Variants in TNKS2 observed in about 807,000 individuals in gnomAD.
The protein encoded by TNKS2 is poly [ADP-ribose] polymerase tankyrase-2.
TNKS2 carries 72 observed loss-of-function variants against 137.6 expected under a neutral mutation model. The observed-to-expected ratio is 0.52, with a 90% CI of 0.43 to 0.64. TNKS2 has a LOEUF of 0.64. TNKS2 is among the 30% of genes least tolerant of loss of function. The pLI, the probability that TNKS2 is intolerant of heterozygous loss-of-function variation, is 0.00. For synonymous variants in TNKS2, 516 were observed against 512.1 expected (o/e 1.01, Z -0.10); for missense variants, 1,049 against 1,410.2 (o/e 0.74, Z 4.10).
intron 17 of TNKS2, among the ~76,000 whole-genome samples, chr10:91,845,302 A>G (rs997530905): frequency 1.3e-5 from 2 of 152,224 alleles, no homozygotes; most frequent in African/African-American, 4.8e-5. Flanking sequence ...GTTGGTACCC[A>G]GAAAATCCAC....
chr10:91,799,206 C>T (rs540974666), intron 1 of TNKS2, among the ~76,000 whole-genome samples: 1 of 152,104 alleles, frequency 6.6e-6, no homozygotes, highest in Non-Finnish European at 1.5e-5. Context: ...TAGAAGGCCT[C>T]TACACACAAG....
At chr10:91,831,052 T>G (rs1454073025) in intron 10 of TNKS2, 38 bp downstream of exon 10, 2 of 1,612,840 alleles carry the variant, frequency 1.2e-6, no homozygotes, top group African/African-American at 1.3e-5. Context: ...CATTGAGATT[T>G]TACTCTTTTG....
Position 91,836,640 on chromosome 10 carries a change from T to C in TNKS2, c.1448-279T>C, listed in dbSNP as rs888328706. On this transcript the variant is annotated intron_variant, in intron 12 of 26. Transcript: ENST00000371627. ...GCTTGCTTATAGAGCAGGCCATCTT[T>C]AGTCATCTCCTTTATGTTCCTTTAT... 52 of 985,276 alleles carry C rather than the reference T, an allele frequency of 5.3e-5. No homozygotes were observed. In the African/African-American group the frequency reaches 8.7e-4, roughly 17 times the overall value. The allele number at this position is 985,276 out of a possible 1,614,324, so 61.0% of individuals were successfully genotyped here.
At chr10:91,814,206 A>C (rs7067554) in intron 2 of TNKS2, among the ~76,000 whole-genome samples, 16,498 of 152,142 alleles carry the variant, frequency 0.11, 987 homozygotes, top group East Asian at 0.19. Flanking sequence ...TCTTGAGCCT[A>C]TGTAGGCCTA....
chr10:91,818,480 T>C (rs1054714843), intron 3 of TNKS2, among the ~76,000 whole-genome samples: 12 of 152,136 alleles, frequency 7.9e-5, no homozygotes, highest in African/African-American at 2.4e-4. Flanking sequence ...TCTATAATGT[T>C]GGTATATTGA....
At chr10:91,858,111 A>G (rs969046574) in intron 24 of TNKS2, among the ~76,000 whole-genome samples, 4 of 152,210 alleles carry the variant, frequency 2.6e-5, no homozygotes, top group Non-Finnish European at 5.9e-5. Context: ...AAACATATTA[A>G]TGTAGTATTT....
chr10:91,840,744 T>G, intron 14 of TNKS2, 38 bp downstream of exon 14: 2 of 1,564,580 alleles, frequency 1.3e-6, no homozygotes, highest in Non-Finnish European at 1.7e-6. Context: ...TCTTCCTTAC[T>G]TTTACTTGAC....
chr10:91,863,977 C>A lies in TNKS2; in HGVS notation c.*978C>A, dbSNP rs1355233877. ...CCAATCTATTCTAATTACCTTAAATCTAAAGGGGAAAAAAAAAATCACAAA... is the reference window on the plus strand; with the variant it reads ...CCAATCTATTCTAATTACCTTAAATATAAAGGGGAAAAAAAAAATCACAAA... On this transcript the variant is annotated 3_prime_UTR_variant, in exon 27 of 27. Coordinates refer to ENST00000371627, the MANE Select transcript of TNKS2 (RefSeq NM_025235.4). The A allele has an allele frequency of 1.3e-5, 2 of 151,662 alleles. No individual in the cohort carries two copies. Among genetic ancestry groups the A allele is most frequent in the Non-Finnish European group, 2.9e-5 (2 of 67,924 alleles). The allele number at this position is 151,662 out of a possible 1,614,324, so 9.4% of individuals were successfully genotyped here.
intron 3 of TNKS2, among the ~76,000 whole-genome samples, chr10:91,818,082 C>T (rs1022092705): frequency 1.3e-5 from 2 of 152,220 alleles, no homozygotes; most frequent in African/African-American, 4.8e-5. Flanking sequence ...GAAGTGTGCA[C>T]TGTTATTGTG....
chr10:91,799,526 A>G (rs1364420194), intron 1 of TNKS2, among the ~76,000 whole-genome samples: 1 of 152,210 alleles, frequency 6.6e-6, no homozygotes, highest in African/African-American at 2.4e-5. Context: ...TTGGGCGGAA[A>G]GTGGTAGTAT....
At chr10:91,810,446 G>A (rs558513408) in intron 1 of TNKS2, among the ~76,000 whole-genome samples, 1 of 151,960 alleles carries the variant, frequency 6.6e-6, no homozygotes, top group Admixed American at 6.5e-5. Context: ...ACTAATTTAT[G>A]GGACAAAGGC....
rs750529706 is a variant in TNKS2, at chr10:91,851,346, T to C, written c.2815+10T>C. 1 of 1,608,736 alleles carries C rather than the reference T, an allele frequency of 6.2e-7. No homozygotes were observed. The highest frequency in any genetic ancestry group is 1.3e-5 in the African/African-American group (1 of 74,600). On this transcript the variant is annotated intron_variant, in intron 21 of 26. Transcript: ENST00000371627. The stretch of plus-strand genomic sequence containing the variant: ...ATCTCCGGACAACAAGGTATTTTAT[T>C]TTAATAATTGCTGTTGTCAGTTTAA...
rs551124953 is a variant in TNKS2 at position 91,803,986 on chromosome 10, T to A, written c.199+5097T>A. On this transcript the variant is annotated intron_variant, in intron 1 of 26. Transcript: ENST00000371627. ...GTTGGTTTCTCTGTAGGAACTTGACTGCCTCACAGCTTTTGGGAAACCATT... is the reference window on the plus strand; with the variant it reads ...GTTGGTTTCTCTGTAGGAACTTGACAGCCTCACAGCTTTTGGGAAACCATT... Among the ~76,000 whole-genome samples the A allele has an allele frequency of 5.3e-5, 8 of 152,330 alleles. 1 individual carries two copies. The South Asian group carries it at 1.4e-3, about 28-fold the overall frequency.
At chr10:91,822,556 ATGTTTTGTTT>A (rs10647275) in intron 7 of TNKS2, among the ~76,000 whole-genome samples, 194 bp downstream of exon 7, 3 of 150,274 alleles carry the variant, frequency 2.0e-5, no homozygotes, top group African/African-American at 4.9e-5. Flanking sequence ...GAGATACCAT[ATGTTTTGTTT>A]TGTTTTGTTT....
intron 12 of TNKS2, among the ~76,000 whole-genome samples, chr10:91,835,988 T>C (rs1217312192): frequency 6.7e-6 from 1 of 149,086 alleles, no homozygotes; most frequent in African/African-American, 2.5e-5. Flanking sequence ...AGTACTCCTT[T>C]CATAAGAATA....
chr10:91,802,740 A>G lies in TNKS2; in HGVS notation c.199+3851A>G, dbSNP rs553686279. ...TCTTCTTTGGCTGTAGGCCAACATC[A>G]TAGTTACAAGAGATGCACAAAATTT... On this transcript the variant is annotated intron_variant, in intron 1 of 26. Transcript: ENST00000371627. Among the ~76,000 whole-genome samples the G allele has an allele frequency of 5.3e-5, 8 of 152,372 alleles. No homozygotes were observed. The South Asian group carries it at 1.7e-3, about 32-fold the overall frequency.
intron 25 of TNKS2, among the ~76,000 whole-genome samples, chr10:91,860,802 C>T (rs1159333311): frequency 1.3e-5 from 2 of 152,126 alleles, no homozygotes; most frequent in African/African-American, 4.8e-5. Context: ...ACAGTAGGCC[C>T]TCCTATGTAT....
chr10:91,813,871 A>C (rs1844587140), intron 2 of TNKS2, among the ~76,000 whole-genome samples: 1 of 152,202 alleles, frequency 6.6e-6, no homozygotes, highest in Non-Finnish European at 1.5e-5. Context: ...GGCATTACTC[A>C]GGTGTTTATG....
chr10:91,818,784 C>T (rs1288869943), intron 3 of TNKS2, among the ~76,000 whole-genome samples: 1 of 152,176 alleles, frequency 6.6e-6, no homozygotes, highest in East Asian at 1.9e-4. Flanking sequence ...CCACCCACCT[C>T]AGCCTCCCAA....
Sources: gnomAD v4.1 joint callset for allele counts (sites outside exome capture counted in the v4.1 genomes callset) on GRCh38, gnomAD v4.1.1 for gene constraint, MANE v1.5 for transcripts, NCBI Gene and HGNC (gene_info 2026-07-23, HGNC 2026-07-21) for gene names.